ALK: variants seen among roughly 807,000 people sequenced by gnomAD.
ALK encodes ALK receptor tyrosine kinase, also known as ALK tyrosine kinase receptor.
In ALK, 74 loss-of-function variants were observed where a neutral mutation model predicts 163.1. That is an observed-to-expected ratio of 0.45 (90% CI 0.38 to 0.55). ALK has a LOEUF of 0.55. Ranked by LOEUF, ALK falls within the 20% of genes least tolerant of loss-of-function variation. The probability of loss-of-function intolerance (pLI) is 0.00; values close to 1 mark genes in which losing one functional copy is unlikely to be tolerated. For synonymous variants in ALK, 960 were observed against 843.2 expected (o/e 1.14, Z -2.40); for missense variants, 2,063 against 2,105.3 (o/e 0.98, Z 0.39).
At chr2:29,842,955 T>C (rs533528356) in intron 1 of ALK, among the ~76,000 whole-genome samples, 1 of 152,266 alleles carries the variant, frequency 6.6e-6, no homozygotes, top group South Asian at 2.1e-4. Context: ...TGCTCTAGCA[T>C]AAAGGACAGA....
At chr2:29,847,549 A>G (rs1311251337) in intron 1 of ALK, among the ~76,000 whole-genome samples, 3 of 152,156 alleles carry the variant, frequency 2.0e-5, no homozygotes, top group Admixed American at 2.0e-4. Flanking sequence ...AATGCTCTTC[A>G]TTTTTCACTA....
At chr2:29,494,123 C>T (rs548163528) in intron 4 of ALK, among the ~76,000 whole-genome samples, 2 of 152,270 alleles carry the variant, frequency 1.3e-5, no homozygotes, top group Non-Finnish European at 2.9e-5. Flanking sequence ...TGGCTTAGAT[C>T]CACCAATGTG....
At chr2:29,730,100 C>T (rs570896365) in intron 1 of ALK, among the ~76,000 whole-genome samples, 8 of 152,330 alleles carry the variant, frequency 5.3e-5, no homozygotes, top group African/African-American at 1.7e-4. Context: ...TATGGCAACT[C>T]GGGATCCCCT....
intron 8 of ALK, among the ~76,000 whole-genome samples, chr2:29,312,657 A>G (rs1666724936): frequency 1.3e-5 from 2 of 152,204 alleles, no homozygotes; most frequent in Non-Finnish European, 2.9e-5. Flanking sequence ...TAGGCCCAAC[A>G]TTATGTCCTC....
At chr2:29,396,792 T>G (rs1669316675) in intron 4 of ALK, among the ~76,000 whole-genome samples, 1 of 151,270 alleles carries the variant, frequency 6.6e-6, no homozygotes, top group South Asian at 2.1e-4. Flanking sequence ...CCTCCACATT[T>G]TGCTCATGAT....
Position 29,740,043 on chromosome 2 carries a change from T to A in ALK, c.668-22346A>T, listed in dbSNP as rs535342534. Among the ~76,000 whole-genome samples the A allele has an allele frequency of 5.3e-5, 8 of 152,214 alleles. No homozygotes were observed. In the South Asian group the frequency reaches 1.7e-3, roughly 32 times the overall value. Reference sequence around the variant, plus strand: ...TGTATTGCATTCAATTCAACAAACATTGATTGAATGCCTACACCATACATA... The same window carrying A: ...TGTATTGCATTCAATTCAACAAACAATGATTGAATGCCTACACCATACATA... On this transcript the variant is annotated intron_variant, in intron 1 of 28. Coordinates refer to ENST00000389048, the MANE Select transcript of ALK (RefSeq NM_004304.5).
intron 1 of ALK, among the ~76,000 whole-genome samples, chr2:29,728,631 C>T (rs1373465532): frequency 1.3e-5 from 2 of 152,172 alleles, no homozygotes; most frequent in African/African-American, 4.8e-5. Flanking sequence ...GAAGCTGATG[C>T]TTGCACTGAG....
At chr2:29,707,532 G>T (rs981011618) in intron 2 of ALK, among the ~76,000 whole-genome samples, 1 of 152,210 alleles carries the variant, frequency 6.6e-6, no homozygotes, top group African/African-American at 2.4e-5. Flanking sequence ...AATTTGAACA[G>T]ATAGTAAGGG....
intron 1 of ALK, among the ~76,000 whole-genome samples, chr2:29,827,380 T>C (rs1222706968): frequency 6.6e-6 from 1 of 152,234 alleles, no homozygotes; most frequent in Non-Finnish European, 1.5e-5. Context: ...CAACACTTGC[T>C]TCCTGTGGCT....
intron 3 of ALK, among the ~76,000 whole-genome samples, chr2:29,622,742 A>T (rs1473227806): frequency 6.6e-6 from 1 of 152,060 alleles, no homozygotes. Flanking sequence ...TCCTCTGCAC[A>T]TGCTCTTCCC....
At chr2:29,648,064 A>G (rs1174602435) in intron 3 of ALK, among the ~76,000 whole-genome samples, 1 of 151,980 alleles carries the variant, frequency 6.6e-6, no homozygotes, top group Non-Finnish European at 1.5e-5. Context: ...CCTTTACCCA[A>G]TGTGTTCAAC....
intron 4 of ALK, among the ~76,000 whole-genome samples, chr2:29,519,372 T>C (rs1411976234): frequency 6.6e-6 from 1 of 152,226 alleles, no homozygotes; most frequent in African/African-American, 2.4e-5. Flanking sequence ...TGAAATATTT[T>C]TCAAGTTCTG....
intron 2 of ALK, among the ~76,000 whole-genome samples, chr2:29,713,851 T>A (rs73921491): frequency 0.081 from 12,344 of 151,886 alleles, 966 homozygotes; most frequent in African/African-American, 0.21. Flanking sequence ...TTTTTTTTTT[T>A]TAAATAAATG....
chr2:29,251,011 C>T, intron 12 of ALK, 94 bp downstream of exon 12: 1 of 1,360,262 alleles, frequency 7.4e-7, no homozygotes, highest in East Asian at 2.5e-5. Context: ...CCTTGACATG[C>T]CTGGGCACCC....
intron 11 of ALK, among the ~76,000 whole-genome samples, chr2:29,265,947 T>A (rs1665210798): frequency 6.6e-6 from 1 of 152,190 alleles, no homozygotes; most frequent in Admixed American, 6.5e-5. Flanking sequence ...ATCACGGCAC[T>A]GCACTCCAGC....
At chr2:29,244,703 A>C (rs929395182) in intron 12 of ALK, among the ~76,000 whole-genome samples, 2 of 152,160 alleles carry the variant, frequency 1.3e-5, no homozygotes, top group Non-Finnish European at 2.9e-5. Context: ...ACTCAAACTT[A>C]ATTCTGCCTG....
At chr2:29,272,628 T>C (rs972037942) in intron 11 of ALK, among the ~76,000 whole-genome samples, 1 of 152,074 alleles carries the variant, frequency 6.6e-6, no homozygotes, top group Non-Finnish European at 1.5e-5. Context: ...CGGAGGAGAG[T>C]TGAAATGCCA....
chr2:29,660,992 G>A (rs182402724), intron 3 of ALK, among the ~76,000 whole-genome samples: 24 of 152,158 alleles, frequency 1.6e-4, no homozygotes, highest in Admixed American at 1.5e-3. Flanking sequence ...TACTCACACC[G>A]GACATCTTCC....
At chr2:29,786,314 G>A (rs897939330) in intron 1 of ALK, among the ~76,000 whole-genome samples, 2 of 152,244 alleles carry the variant, frequency 1.3e-5, no homozygotes, top group Non-Finnish European at 1.5e-5. Context: ...CAGCCAACAT[G>A]AGTGGCACTC....
Sources: allele counts gnomAD v4.1 joint callset (sites outside exome capture counted in the v4.1 genomes callset), GRCh38; gene constraint gnomAD v4.1.1; transcripts MANE v1.5; gene names NCBI Gene and HGNC (gene_info 2026-07-23, HGNC 2026-07-21).